The following WLS variants were observed in gnomAD, a reference collection of about 807,000 sequenced individuals.
WLS encodes Wnt ligand secretion mediator.
Under a neutral mutation model 62.8 loss-of-function variants are expected in WLS, and 23 were observed. The ratio of observed to expected loss-of-function variants is 0.37; its 90% CI spans 0.26 to 0.52. The LOEUF is 0.52. WLS is among the 20% of genes least tolerant of loss of function. The probability of loss-of-function intolerance (pLI) is 0.92; values close to 1 mark genes in which losing one functional copy is unlikely to be tolerated. For synonymous variants in WLS, 246 were observed against 244.1 expected (o/e 1.01, Z -0.07); for missense variants, 615 against 697.3 (o/e 0.88, Z 1.33).
chr1:68,221,023 G>A (rs573266390), intron 1 of WLS, among the ~76,000 whole-genome samples: 9 of 152,170 alleles, frequency 5.9e-5, no homozygotes, highest in Non-Finnish European at 1.2e-4. Flanking sequence ...TCTGATATCT[G>A]TAAAAACAGA....
chr1:68,132,013 G>C (rs185088440), intron 11 of WLS, among the ~76,000 whole-genome samples: 4 of 152,316 alleles, frequency 2.6e-5, no homozygotes, highest in Non-Finnish European at 5.9e-5. Flanking sequence ...CACCCTGTCT[G>C]TAGTATTCGT....
chr1:68,219,866 C>T (rs932496337), intron 1 of WLS, among the ~76,000 whole-genome samples: 4 of 152,030 alleles, frequency 2.6e-5, no homozygotes, highest in East Asian at 3.9e-4. Flanking sequence ...TTGTCATTCA[C>T]GTTATTATCT....
intron 10 of WLS, among the ~76,000 whole-genome samples, chr1:68,143,593 T>C (rs569201719): frequency 6.6e-6 from 1 of 152,316 alleles, no homozygotes; most frequent in South Asian, 2.1e-4. Context: ...TTGCCTACAG[T>C]AGTCAGTAGA....
Position 68,161,716 on chromosome 1 carries a change from C to T in WLS, c.380-2469G>A, listed in dbSNP as rs887817322. The T allele has an allele frequency of 2.5e-5, 36 of 1,422,088 alleles. No homozygotes were observed. The African/African-American group carries it at 5.1e-4, about 20-fold the overall frequency. The allele number at this position is 1,422,088 out of a possible 1,614,324, so 88.1% of individuals were successfully genotyped here. On this transcript the variant is annotated intron_variant, in intron 2 of 11. Coordinates refer to ENST00000262348, the MANE Select transcript of WLS (RefSeq NM_024911.7). ...CATCATTTTTCACTATCTCTTGGTC[C>T]CAAATGTATCTGAATGATTACCTTC...
chr1:68,124,118 C>T (rs1402225730), downstream of WLS, among the ~76,000 whole-genome samples: 1 of 152,232 alleles, frequency 6.6e-6, no homozygotes, highest in African/African-American at 2.4e-5. Flanking sequence ...AACCCACATC[C>T]AGAACATTCA....
intron 3 of WLS, among the ~76,000 whole-genome samples, chr1:68,155,866 G>A (rs778193250): frequency 1.2e-4 from 19 of 152,174 alleles, no homozygotes; most frequent in Non-Finnish European, 2.8e-4. Flanking sequence ...AAGATAATAA[G>A]ATTAGTGGCC....
At chr1:68,131,216 T>A (rs1428925764) in intron 11 of WLS, among the ~76,000 whole-genome samples, 2 of 151,390 alleles carry the variant, frequency 1.3e-5, no homozygotes, top group African/African-American at 4.9e-5. Flanking sequence ...TGGCCTTTTT[T>A]TTTTTTCCAA....
intron 2 of WLS, among the ~76,000 whole-genome samples, chr1:68,184,939 AAAC>A (rs751235944): frequency 6.6e-6 from 1 of 152,154 alleles, no homozygotes; most frequent in Non-Finnish European, 1.5e-5. Context: ...AAAAACAAAC[AAAC>A]AAGCAAACAA....
At chr1:68,175,780 G>T (rs1647232694) in intron 2 of WLS, among the ~76,000 whole-genome samples, 1 of 152,100 alleles carries the variant, frequency 6.6e-6, no homozygotes, top group South Asian at 2.1e-4. Context: ...CAGACTACAG[G>T]GCAGTGCTTG....
At chr1:68,224,523 C>T (rs1287303754) in intron 1 of WLS, among the ~76,000 whole-genome samples, 1 of 152,148 alleles carries the variant, frequency 6.6e-6, no homozygotes, top group Non-Finnish European at 1.5e-5. Flanking sequence ...GACAAATTTC[C>T]TATTACAACT....
chr1:68,156,786 C>G (rs1023111532), intron 3 of WLS, among the ~76,000 whole-genome samples: 6 of 152,130 alleles, frequency 3.9e-5, no homozygotes, highest in African/African-American at 1.2e-4. Context: ...CCACTCCTTT[C>G]TCTCTTATAC....
chr1:68,153,961 G>T (rs1240046979), intron 4 of WLS, among the ~76,000 whole-genome samples: 1 of 152,112 alleles, frequency 6.6e-6, no homozygotes, highest in African/African-American at 2.4e-5. Flanking sequence ...TTGGGGCAGG[G>T]TCACTATTTC....
At chr1:68,177,064 A>G (rs894469038) in intron 2 of WLS, among the ~76,000 whole-genome samples, 10 of 152,192 alleles carry the variant, frequency 6.6e-5, no homozygotes, top group African/African-American at 2.2e-4. Context: ...CCATTTCAAA[A>G]TATTTTAATT....
At position 68,150,271 on chromosome 1, in the gene WLS, G is replaced by A; in HGVS notation, c.889C>T (p.Leu297=). ...CCCTGTCGGATGTCACCAAACAGCA[G>A]CATCCAGGTCCAGTCAAACCCGATG... is the stretch of plus-strand genomic sequence containing the variant. ...FSIGFDWTWM[L]LFGDIRQGIF... Residue 297 remains leucine, a synonymous_variant, in exon 6 of 12, where the codon CTG becomes TTG. Transcript: ENST00000262348. 3 of 1,614,196 alleles carry A rather than the reference G, an allele frequency of 1.9e-6. No individual in the cohort carries two copies. The highest frequency in any genetic ancestry group is 1.1e-5 in the South Asian group (1 of 91,088).
At chr1:68,113,463 T>C (rs1442031171) in intron 11 of WLS, among the ~76,000 whole-genome samples, 2 of 152,204 alleles carry the variant, frequency 1.3e-5, no homozygotes, top group Non-Finnish European at 1.5e-5. Context: ...TCTGGAAATA[T>C]ACCTGAGAAC....
chr1:68,099,371 AGGGCTTGT>A (rs992991662), intron 11 of WLS, among the ~76,000 whole-genome samples: 3 of 152,212 alleles, frequency 2.0e-5, no homozygotes, highest in Admixed American at 6.5e-5. Flanking sequence ...GCACACTCCC[AGGGCTTGT>A]ATACTCAATA....
rs536247621 is a variant in WLS at position 68,170,402 on chromosome 1, A to G, written c.380-11155T>C. ...AGGCTGGTCTTGAACTCCCAACCTC[A>G]GGTGATCCACCCGCCTCGGACTCCC... On this transcript the variant is annotated intron_variant, in intron 2 of 11. Coordinates refer to ENST00000262348, the MANE Select transcript of WLS (RefSeq NM_024911.7). Among the ~76,000 whole-genome samples, 89 of 151,944 alleles carry G rather than the reference A, an allele frequency of 5.9e-4. 1 individual carries two copies. The Middle Eastern group carries it at 0.01, about 17-fold the overall frequency.
At chr1:68,228,150 A>G (rs1203664529) in intron 1 of WLS, 2 of 383,994 alleles carry the variant, frequency 5.2e-6, no homozygotes, top group Non-Finnish European at 1.0e-5. Context: ...GGCCACTCAC[A>G]TAAGTTACCT....
chr1:68,125,856 T>A lies in WLS; in HGVS notation c.*370A>T. The A allele has an allele frequency of 2.0e-6, 2 of 1,022,312 alleles. No individual in the cohort carries two copies. Among genetic ancestry groups the A allele is most frequent in the Non-Finnish European group, 2.3e-6 (2 of 853,474 alleles). The allele number at this position is 1,022,312 out of a possible 1,614,324, so 63.3% of individuals were successfully genotyped here. ...ATCCTAGAATTTAAAACAGGAAAAATGTCAAATATTCCACTCCCCATTCGG... is the reference window on the plus strand; with the variant it reads ...ATCCTAGAATTTAAAACAGGAAAAAAGTCAAATATTCCACTCCCCATTCGG... On this transcript the variant is annotated 3_prime_UTR_variant, in exon 12 of 12. Transcript: ENST00000262348.
Sources: allele counts gnomAD v4.1 joint callset (sites outside exome capture counted in the v4.1 genomes callset), GRCh38; gene constraint gnomAD v4.1.1; transcripts MANE v1.5; gene names NCBI Gene and HGNC (gene_info 2026-07-23, HGNC 2026-07-21).